CATSPERD: variants seen among roughly 807,000 people sequenced by gnomAD.
CATSPERD encodes the protein catsper channel auxiliary subunit delta.
CATSPERD carries 86 observed loss-of-function variants against 98.1 expected under a neutral mutation model. The ratio of observed to expected loss-of-function variants is 0.88; its 90% CI spans 0.74 to 1.05. The LOEUF (loss-of-function observed/expected upper bound fraction) is 1.05, where lower values mean the gene tolerates loss of function less well. Among genes scored for constraint, CATSPERD ranks in the 50% least tolerant of loss-of-function variants. The pLI is 0.00. For synonymous variants in CATSPERD, 394 were observed against 390.2 expected, an observed-to-expected ratio of 1.01 and a Z score of -0.12; for missense variants, 995 against 1,005.7, an observed-to-expected ratio of 0.99 and a Z score of 0.14.
intron 16 of CATSPERD, among the ~76,000 whole-genome samples, chr19:5,764,660 A>C (rs2056506103): frequency 1.3e-5 from 2 of 150,092 alleles, no homozygotes; most frequent in African/African-American, 4.9e-5. Context: ...CTTGTTGTTC[A>C]GGCTGGAGTG....
rs1442220951 is a variant in CATSPERD at position 5,750,694 on chromosome 19, C to G, written c.988-953C>G. Among the ~76,000 whole-genome samples, 6 of 151,718 alleles carry G rather than the reference C, an allele frequency of 4.0e-5. 1 individual carries two copies. In the East Asian group the frequency reaches 1.2e-3, roughly 30 times the overall value. ...AGGTTGCAGTGAGCCGAGATCGTGC[C>G]ACTGCACTCCAGCCTGGGCGACAGA... On this transcript the variant is annotated intron_variant, in intron 11 of 21. Coordinates refer to ENST00000381624, the MANE Select transcript of CATSPERD (RefSeq NM_152784.4).
At chr19:5,769,020 G>C (rs1351692030) in intron 18 of CATSPERD, among the ~76,000 whole-genome samples, 2 of 151,938 alleles carry the variant, frequency 1.3e-5, no homozygotes, top group Non-Finnish European at 2.9e-5. Context: ...CAGGCATGGT[G>C]GTGGGCACCT....
chr19:5,768,306 G>A (rs2056581278), intron 18 of CATSPERD, 64 bp downstream of exon 18: 1 of 1,199,788 alleles, frequency 8.3e-7, no homozygotes, highest in Non-Finnish European at 1.2e-6. Context: ...CAAAAGCCAA[G>A]AGCAAATTAG....
At chr19:5,766,979 C>A (rs2145844691) in intron 17 of CATSPERD, among the ~76,000 whole-genome samples, 1 of 151,846 alleles carries the variant, frequency 6.6e-6, no homozygotes, top group East Asian at 2.0e-4. Flanking sequence ...AGGCATGAGC[C>A]ACCGCAATTG....
intron 16 of CATSPERD, among the ~76,000 whole-genome samples, chr19:5,765,121 C>G (rs1239001976): frequency 6.6e-6 from 1 of 152,090 alleles, no homozygotes; most frequent in Non-Finnish European, 1.5e-5. Context: ...GTTGCCCAGA[C>G]TGGTCTCTAA....
chr19:5,730,018 T>A (rs2145691291), intron 4 of CATSPERD, 74 bp downstream of exon 4: 1 of 884,584 alleles, frequency 1.1e-6, no homozygotes. Context: ...TTCAGAAATA[T>A]CAGACTGGTC....
intron 19 of CATSPERD, among the ~76,000 whole-genome samples, chr19:5,771,865 G>T (rs935596914): frequency 6.6e-6 from 1 of 151,974 alleles, no homozygotes; most frequent in African/African-American, 2.4e-5. Context: ...CACCATACCT[G>T]GCCATCTTCC....
chr19:5,765,331 G>T (rs1014688578), intron 16 of CATSPERD, among the ~76,000 whole-genome samples: 2 of 152,152 alleles, frequency 1.3e-5, no homozygotes, highest in African/African-American at 2.4e-5. Context: ...ATGTCCCTAA[G>T]GCTGTAGAGT....
chr19:5,740,681 G>T (rs887343019), intron 7 of CATSPERD, among the ~76,000 whole-genome samples: 2 of 148,478 alleles, frequency 1.3e-5, no homozygotes, highest in Non-Finnish European at 3.0e-5. Context: ...CAGGAGAATC[G>T]CTTGAACCCG....
Position 5,773,080 on chromosome 19 carries a change from G to A in CATSPERD, c.1941+115G>A, listed in dbSNP as rs926982030. 3.7e-5 allele frequency: 41 copies of A among 1,102,818 alleles called. No individual in the cohort carries two copies. In the African/African-American group the frequency reaches 4.1e-4, roughly 11 times the overall value. 68.3% of individuals were successfully genotyped at this position (1,102,818 alleles called of 1,614,324 possible). ...GAGTATGGAATGAAAGAGTTGGGGC[G>A]CGGTGGCTCACGCCTGTAATCCCAG... On this transcript the variant is annotated intron_variant, in intron 20 of 21. Transcript: ENST00000381624.
At chr19:5,732,957 G>A (rs971915073) in intron 4 of CATSPERD, among the ~76,000 whole-genome samples, 3 of 151,712 alleles carry the variant, frequency 2.0e-5, no homozygotes, top group South Asian at 2.1e-4. Flanking sequence ...TATTACAGGC[G>A]TGAGCCACCA....
intron 7 of CATSPERD, among the ~76,000 whole-genome samples, chr19:5,743,547 C>T (rs142547889): frequency 2.4e-4 from 35 of 147,814 alleles, no homozygotes; most frequent in African/African-American, 7.3e-4. Flanking sequence ...TGCAGTGAGC[C>T]GAGGCTGTGC....
At chr19:5,737,073 A>C (rs920704686) in intron 5 of CATSPERD, 65 bp from the exon 6 acceptor site, 56 of 1,150,568 alleles carry the variant, frequency 4.9e-5, no homozygotes, top group Non-Finnish European at 3.7e-5. Flanking sequence ...AAAACAAAAA[A>C]CAAAAAACTT....
chr19:5,747,610 C>CTTTTTTTTTT (rs10603074), intron 9 of CATSPERD, among the ~76,000 whole-genome samples: 13 of 87,566 alleles, frequency 1.5e-4, no homozygotes, highest in Non-Finnish European at 1.8e-4. Flanking sequence ...TTTTTCTTTT[C>CTTTTTTTTTT]TTTTTTTTTT....
chr19:5,777,739 A>G (rs1026592765), intron 21 of CATSPERD, among the ~76,000 whole-genome samples: 2 of 151,862 alleles, frequency 1.3e-5, no homozygotes, highest in African/African-American at 4.8e-5. Flanking sequence ...GCCAGGTGTG[A>G]TGGTGGGCGC....
intron 15 of CATSPERD, among the ~76,000 whole-genome samples, chr19:5,762,027 T>A: frequency 8.0e-6 from 1 of 125,074 alleles, no homozygotes; most frequent in Non-Finnish European, 1.7e-5. Flanking sequence ...TGAGAGCCAC[T>A]GCGCCTGGCC....
At chr19:5,766,367 C>G (rs1357308145) in intron 17 of CATSPERD, among the ~76,000 whole-genome samples, 1 of 150,778 alleles carries the variant, frequency 6.6e-6, no homozygotes, top group Non-Finnish European at 1.5e-5. Context: ...TGGAGGATCA[C>G]TTGAACCTGG....
chr19:5,777,893 C>T (rs940586545), intron 21 of CATSPERD, among the ~76,000 whole-genome samples: 8 of 150,542 alleles, frequency 5.3e-5, no homozygotes, highest in South Asian at 2.1e-4. Context: ...ACAAACAAAA[C>T]AAAACAAAAC....
intron 2 of CATSPERD, among the ~76,000 whole-genome samples, chr19:5,726,878 A>G (rs974974760): frequency 3.3e-5 from 5 of 151,936 alleles, no homozygotes; most frequent in Non-Finnish European, 7.4e-5. Context: ...TTCACCCTTT[A>G]TGTTGATAAT....
Sources: gnomAD v4.1 joint callset for allele counts (sites outside exome capture counted in the v4.1 genomes callset) on GRCh38, gnomAD v4.1.1 for gene constraint, MANE v1.5 for transcripts, NCBI Gene and HGNC (gene_info 2026-07-23, HGNC 2026-07-21) for gene names.